SLC18A1: variants seen among roughly 807,000 people sequenced by gnomAD.
The protein encoded by SLC18A1 is solute carrier family 18 member A1, also known as chromaffin granule amine transporter.
A neutral mutation model predicts 53.7 loss-of-function variants in SLC18A1; 69 were observed. That is an observed-to-expected ratio of 1.28 (90% confidence interval 1.06 to 1.57). The LOEUF is 1.57. Among genes scored for constraint, SLC18A1 ranks in the 40% most tolerant of loss-of-function variants. SLC18A1 has a pLI of 0.00. For missense variants in SLC18A1, 932 were observed against 668.1 expected, an observed-to-expected ratio of 1.40 and a Z score of -4.35; for synonymous variants, 320 against 248.1, an observed-to-expected ratio of 1.29 and a Z score of -2.72.
chr8:20,147,579 G>C, intron 14 of SLC18A1, 24 bp downstream of exon 14: 1 of 1,613,390 alleles, frequency 6.2e-7, no homozygotes, highest in Non-Finnish European at 8.5e-7. Flanking sequence ...GGGGAAAGTG[G>C]GGCACCAGGT....
At chr8:20,171,732 G>T (rs1585217931) in intron 6 of SLC18A1, among the ~76,000 whole-genome samples, 1 of 152,174 alleles carries the variant, frequency 6.6e-6, no homozygotes, top group East Asian at 1.9e-4. Context: ...GTATGTGTGT[G>T]TGTGTGTAGG....
intron 10 of SLC18A1, among the ~76,000 whole-genome samples, chr8:20,153,600 C>T (rs2071613523): frequency 6.6e-6 from 1 of 151,620 alleles, no homozygotes; most frequent in Non-Finnish European, 1.5e-5. Flanking sequence ...ATGGCATGAA[C>T]CTGAGAGGCG....
In SLC18A1 at chr8:20,181,890, T is replaced by G. The variant is rs546762678; in HGVS notation, c.-123-803A>C. ...TCTACCATGTTCCCTTGCTCTGTGGTTCTAGAAGCACGCTCATTCTTTTGT... is the reference window on the plus strand; with the variant it reads ...TCTACCATGTTCCCTTGCTCTGTGGGTCTAGAAGCACGCTCATTCTTTTGT... On this transcript the variant is annotated intron_variant, in intron 1 of 15. Coordinates refer to ENST00000276373, the MANE Select transcript of SLC18A1 (RefSeq NM_003053.4). The G allele has an allele frequency of 2.0e-5, 3 of 152,336 alleles. No homozygotes were observed. In the South Asian group the frequency reaches 6.2e-4, roughly 32 times the overall value. The allele number at this position is 152,336 out of a possible 1,614,324, so 9.4% of individuals were successfully genotyped here.
rs986317579 is a variant in SLC18A1, at chr8:20,148,188, A to C, written c.1147-118T>G. 4 of 850,052 alleles carry C rather than the reference A, an allele frequency of 4.7e-6. No homozygotes were observed. The South Asian group carries it at 6.0e-5, about 13-fold the overall frequency. 52.7% of individuals were successfully genotyped at this position (850,052 alleles called of 1,614,324 possible). ...GAGTGCACTATTGGCCACATACATC[A>C]TCCTCCTGCACTCTCAGACTTTCTC... On this transcript the variant is annotated intron_variant, in intron 12 of 15. Transcript: ENST00000276373.
At position 20,180,843 on chromosome 8, in the gene SLC18A1, A is replaced by G; in HGVS notation, c.122T>C (p.Val41Ala). ...LLLDNMLFTV[V>A]VPIVPTFLYD... ...AGCACAAAGACCCACAAACGTACCC[A>G]CCACAGTAAACAGCATGTTGTCCAG... is the stretch of plus-strand genomic sequence containing the variant. Residue 41 changes from valine (V) to alanine (A), a missense_variant and splice_region_variant, in exon 2 of 16, where the codon GTG (valine) becomes GCG (alanine). Coordinates refer to ENST00000276373, the MANE Select transcript of SLC18A1 (RefSeq NM_003053.4). 2 of 1,613,946 alleles carry G rather than the reference A, an allele frequency of 1.2e-6. No individual in the cohort carries two copies. Among genetic ancestry groups the G allele is most frequent in the Non-Finnish European group, 1.7e-6 (2 of 1,179,888 alleles).
intron 10 of SLC18A1, among the ~76,000 whole-genome samples, chr8:20,154,509 G>C (rs139586315): frequency 2.0e-5 from 3 of 152,298 alleles, no homozygotes; most frequent in Non-Finnish European, 1.5e-5. Context: ...GGAGAATAGA[G>C]AAGAAATGAC....
At chr8:20,148,922 T>A (rs560670547) in intron 12 of SLC18A1, among the ~76,000 whole-genome samples, 1 of 152,142 alleles carries the variant, frequency 6.6e-6, no homozygotes, top group African/African-American at 2.4e-5. Flanking sequence ...ATCAGAACCC[T>A]CTCTACATAG....
rs1251073083 is a variant in SLC18A1 at position 20,147,325 on chromosome 8, A to G, written c.1397T>C (p.Val466Ala). 1.2e-6 allele frequency: 2 copies of G among 1,613,330 alleles called. No homozygotes were observed. Among genetic ancestry groups the G allele is most frequent in the East Asian group, 2.2e-5 (1 of 44,864 alleles). Reference protein sequence around the residue: ...GFPWLMVITGVINIVYAPLCY... With the variant: ...GFPWLMVITGAINIVYAPLCY... ...GAGTGGAGCATAGACGATGTTGATG[A>G]CCCCAGTGATGACCATGAGCCAGGG... Residue 466 changes from valine (V) to alanine (A), a missense_variant, in exon 15 of 16, where the codon GTC becomes GCC. Transcript: ENST00000276373.
chr8:20,173,168 G>T (rs536615087), intron 5 of SLC18A1, 40 bp from the exon 6 acceptor site: 11 of 1,456,316 alleles, frequency 7.6e-6, no homozygotes, highest in South Asian at 1.2e-5. Context: ...CCCCTGGGGG[G>T]CTTCTATCCG....
At chr8:20,150,566 C>A in intron 11 of SLC18A1, 100 bp downstream of exon 11, 1 of 1,088,594 alleles carries the variant, frequency 9.2e-7, no homozygotes, top group African/African-American at 1.5e-5. Flanking sequence ...TCATCCTAAA[C>A]TTTCAACCGT....
chr8:20,165,643 G>A (rs1338688792), intron 8 of SLC18A1, among the ~76,000 whole-genome samples: 1 of 152,108 alleles, frequency 6.6e-6, no homozygotes, highest in East Asian at 1.9e-4. Context: ...TAAACATCCA[G>A]GACCCACTCT....
In SLC18A1 at chr8:20,145,742, T is replaced by G. The variant is rs1230533737; in HGVS notation, c.*21A>C. ...GAGGTGGTCACTGAGGCATCATGAA[T>G]TCAAGGAGCACCTTCTGCTGCTACT... On this transcript the variant is annotated 3_prime_UTR_variant, in exon 16 of 16. Transcript: ENST00000276373. 5 of 1,520,486 alleles carry G rather than the reference T, an allele frequency of 3.3e-6. No individual in the cohort carries two copies. The highest frequency in any genetic ancestry group is 1.4e-5 in the African/African-American group (1 of 72,782). 94.2% of individuals were successfully genotyped at this position (1,520,486 alleles called of 1,614,324 possible). A position where few individuals can be genotyped will look rare whatever the true frequency, so the allele number is the denominator to read the frequency against.
chr8:20,172,979 A>C, intron 6 of SLC18A1, 57 bp downstream of exon 6: 1 of 1,275,724 alleles, frequency 7.8e-7, no homozygotes, highest in Non-Finnish European at 1.1e-6. Context: ...CCTCGGGAAC[A>C]CCTGCTTCCT....
At chr8:20,159,160 A>T (rs1004581792) in intron 10 of SLC18A1, among the ~76,000 whole-genome samples, 4 of 152,160 alleles carry the variant, frequency 2.6e-5, no homozygotes, top group Non-Finnish European at 4.4e-5. Flanking sequence ...CCCATGCTCC[A>T]ATGTTGATGA....
intron 2 of SLC18A1, among the ~76,000 whole-genome samples, chr8:20,180,293 G>C (rs907953999): frequency 6.6e-6 from 1 of 152,022 alleles, no homozygotes; most frequent in African/African-American, 2.4e-5. Flanking sequence ...AAAAACATAT[G>C]TTTTACCCAA....
chr8:20,158,213 C>T (rs1392614287), intron 10 of SLC18A1, among the ~76,000 whole-genome samples: 1 of 152,102 alleles, frequency 6.6e-6, no homozygotes, highest in Non-Finnish European at 1.5e-5. Flanking sequence ...CTCTCCTGTC[C>T]CTGACAACTG....
At chr8:20,171,244 T>G in intron 7 of SLC18A1, 98 bp from the exon 8 acceptor site, 1 of 1,411,264 alleles carries the variant, frequency 7.1e-7, no homozygotes, top group Admixed American at 1.7e-5. Context: ...TGCATAAATT[T>G]AACTCCCTGA....
chr8:20,165,824 T>C (rs985015085), intron 8 of SLC18A1, among the ~76,000 whole-genome samples: 53 of 152,194 alleles, frequency 3.5e-4, no homozygotes, highest in African/African-American at 1.2e-3. Flanking sequence ...CCTTCTTTTC[T>C]AGAGAGCTCC....
At chr8:20,171,744 A>T (rs945497421) in intron 6 of SLC18A1, among the ~76,000 whole-genome samples, 1 of 151,548 alleles carries the variant, frequency 6.6e-6, no homozygotes, top group South Asian at 2.1e-4. Flanking sequence ...GTGTGTAGGG[A>T]GGGACACAGA....
Sources: allele counts gnomAD v4.1 joint callset (sites outside exome capture counted in the v4.1 genomes callset), GRCh38; gene constraint gnomAD v4.1.1; transcripts MANE v1.5; gene names NCBI Gene and HGNC (gene_info 2026-07-23, HGNC 2026-07-21).